Variants in CAMTA2 observed in about 807,000 individuals in gnomAD.
The protein encoded by CAMTA2 is calmodulin binding transcription activator 2, also known as calmodulin-binding transcription activator 2.
A neutral mutation model predicts 135.7 loss-of-function variants in CAMTA2; 56 were observed. That is an observed-to-expected ratio of 0.41 (90% confidence interval 0.33 to 0.52). The LOEUF is 0.52. Ranked by LOEUF, CAMTA2 falls within the 20% of genes least tolerant of loss-of-function variation. CAMTA2 has a pLI of 0.16. For missense variants in CAMTA2, 1,358 were observed against 1,553.4 expected (o/e 0.87, Z 2.11); for synonymous variants, 591 against 604.6 (o/e 0.98, Z 0.33).
At chr17:4,987,144 G>C in intron 1 of CAMTA2, 2 of 1,355,612 alleles carry the variant, frequency 1.5e-6, no homozygotes. Context: ...CAGGTGCGCA[G>C]TCCTGGCTAG....
chr17:4,976,494 G>A (rs143229649), intron 11 of CAMTA2, among the ~76,000 whole-genome samples: 4,644 of 151,888 alleles, frequency 0.031, 224 homozygotes, highest in African/African-American at 0.11. Context: ...GAGGTCAGGA[G>A]TTTGAGACCA....
intron 11 of CAMTA2, among the ~76,000 whole-genome samples, chr17:4,976,397 A>G (rs1350574141): frequency 6.6e-6 from 1 of 152,222 alleles, no homozygotes; most frequent in Non-Finnish European, 1.5e-5. Context: ...AAAACAATAG[A>G]AATTTAAATA....
chr17:4,986,040 G>C, intron 2 of CAMTA2, 57 bp from the exon 3 acceptor site: 1 of 1,334,574 alleles, frequency 7.5e-7, no homozygotes, highest in Non-Finnish European at 1.1e-6. Context: ...CCCTGTGATA[G>C]TCCAAGGGGA....
intron 11 of CAMTA2, among the ~76,000 whole-genome samples, chr17:4,976,849 G>T (rs972855295): frequency 2.6e-5 from 4 of 152,062 alleles, no homozygotes; most frequent in Non-Finnish European, 5.9e-5. Context: ...TCAAGAACTG[G>T]TATAAAAATG....
rs1972118474 is a variant in CAMTA2 at position 4,969,420 on chromosome 17, T to TGCAA, written c.3282+76_3282+79dup. The TGCAA allele has an allele frequency of 1.2e-6, 2 of 1,607,930 alleles. No homozygotes were observed. Among genetic ancestry groups the TGCAA allele is most frequent in the African/African-American group, 2.7e-5 (2 of 74,798 alleles). On this transcript the variant is annotated intron_variant, in intron 20 of 22. Coordinates refer to ENST00000348066, the MANE Select transcript of CAMTA2 (RefSeq NM_015099.4). The surrounding 1 kb of genome is among the most constrained non-coding windows in gnomAD (Gnocchi z 5.6). ...CTGAGGCTCACCCAAGTTAGGCTGA[T>TGCAA]GCAAGACTCTCTGTAACCCACACAC...
In CAMTA2 at chr17:4,968,433, A is replaced by C; in HGVS notation, c.*323T>G. The C allele has an allele frequency of 2.1e-6, 1 of 485,300 alleles. No homozygotes were observed. The highest frequency in any genetic ancestry group is 3.7e-6 in the Non-Finnish European group (1 of 268,902). The allele number at this position is 485,300 out of a possible 1,614,324, so 30.1% of individuals were successfully genotyped here. Reference sequence around the variant, plus strand: ...ACGCGTCGAACAAATAAATAAGGCAAGTCAGGAGGGGGCCGAGTCGGGTGC... The same window carrying C: ...ACGCGTCGAACAAATAAATAAGGCACGTCAGGAGGGGGCCGAGTCGGGTGC... On this transcript the variant is annotated 3_prime_UTR_variant, in exon 23 of 23. Transcript: ENST00000348066.
Position 4,968,944 on chromosome 17 carries a change from G to T in CAMTA2, c.3508C>A (p.Arg1170=), listed in dbSNP as rs563053214. The T allele has an allele frequency of 6.2e-7, 1 of 1,614,042 alleles. No individual in the cohort carries two copies. Among genetic ancestry groups the T allele is most frequent in the African/African-American group, 1.3e-5 (1 of 74,910 alleles). Residue 1170 remains arginine, a synonymous_variant, in exon 22 of 23, where the codon CGG becomes AGG. Transcript: ENST00000348066. ...CGCCGCAGGAATCTCATGATCTTCC[G>T]GGCTGCCTGGTCCTGCTTCTTGGTG... ...FLTKKQDQAA[R]KIMRFLRRCR... is the part of the protein sequence containing the mutation.
intron 10 of CAMTA2, among the ~76,000 whole-genome samples, chr17:4,978,152 G>T (rs1972734000): frequency 6.6e-6 from 1 of 152,214 alleles, no homozygotes; most frequent in Non-Finnish European, 1.5e-5. Flanking sequence ...GATTGGAGTT[G>T]GAGACTCTGG....
In CAMTA2 at chr17:4,973,660, A is replaced by C. The variant is rs1972441418; in HGVS notation, c.2126T>G (p.Phe709Cys). 6.2e-7 allele frequency: 1 copy of C among 1,614,204 alleles called. No homozygotes were observed. Among genetic ancestry groups the C allele is most frequent in the Non-Finnish European group, 8.5e-7 (1 of 1,180,024 alleles). Residue 709 changes from phenylalanine (F) to cysteine (C), a missense_variant, in exon 13 of 23, where the codon TTC becomes TGC. By Grantham distance (205) the Phe-to-Cys change is radical. Transcript: ENST00000348066. ...GPERLAHGSP[F>C]RGMSLLHLAA... ...CAGGTGCAGAAGGCTCATGCCCCGGAAGGGGCTTCCATGGGCCAGACGTTC... is the reference window on the plus strand; with the variant it reads ...CAGGTGCAGAAGGCTCATGCCCCGGCAGGGGCTTCCATGGGCCAGACGTTC...
intron 15 of CAMTA2, 26 bp from the exon 16 acceptor site, chr17:4,972,562 G>A: frequency 2.5e-6 from 4 of 1,591,328 alleles, no homozygotes; most frequent in Non-Finnish European, 3.4e-6. Context: ...AGAGAGTGAG[G>A]GCAGCCGGAG....
intron 9 of CAMTA2, 120 bp from the exon 10 acceptor site, chr17:4,978,750 G>T: frequency 8.6e-7 from 1 of 1,159,868 alleles, no homozygotes; most frequent in Non-Finnish European, 1.2e-6. Context: ...AGAGTCTGGG[G>T]GTCCAGGGAT....
rs1187541241 is a variant in CAMTA2, at chr17:4,981,776, C to G, written c.467G>C (p.Gly156Ala). The part of the protein sequence containing the change: ...YLNVPALEDC[G>A]KGCSPIFCSI... The stretch of plus-strand genomic sequence containing the variant: ...ACAAAAGATGGGGCTGCAGCCCTTT[C>G]CACAGTCCTCCAGGGCTGGGACGTT... Residue 156 changes from glycine (G) to alanine (A), a missense_variant, in exon 7 of 23, where the codon GGA becomes GCA. Transcript: ENST00000348066. The G allele has an allele frequency of 6.2e-7, 1 of 1,613,554 alleles. No individual in the cohort carries two copies. Among genetic ancestry groups the G allele is most frequent in the South Asian group, 1.1e-5 (1 of 91,014 alleles).
In CAMTA2 at chr17:4,979,836, T is replaced by C. The variant is rs761916048; in HGVS notation, c.1486A>G (p.Ser496Gly). The part of the protein sequence containing the change: ...EALFGGPVGA[S>G]ELEPFSLSSF... ...GAAAGACTGAAGGGCTCCAGTTCAC[T>C]GGCCCCAACAGGTCCTCCAAACAAG... Residue 496 changes from serine (S) to glycine (G), a missense_variant, in exon 9 of 23, where the codon AGT (serine) becomes GGT (glycine). This residue lies in a region of CAMTA2 where 1,077 missense variants were observed against 1,127.5 expected (regional missense o/e 0.96). Transcript: ENST00000348066. The C allele has an allele frequency of 1.9e-6, 3 of 1,599,288 alleles. No homozygotes were observed. Among genetic ancestry groups the C allele is most frequent in the South Asian group, 1.1e-5 (1 of 90,582 alleles).
At chr17:4,973,132 T>C in intron 14 of CAMTA2, 43 bp downstream of exon 14, 1 of 1,567,408 alleles carries the variant, frequency 6.4e-7, no homozygotes, top group Non-Finnish European at 8.8e-7. Context: ...GCTGTTCCCA[T>C]TGCTCCCTGC....
In CAMTA2 at chr17:4,969,528, A is replaced by C. The variant is rs1173041569; in HGVS notation, c.3262-8T>G. The C allele has an allele frequency of 6.2e-7, 1 of 1,614,078 alleles. No homozygotes were observed. The highest frequency in any genetic ancestry group is 1.7e-5 in the Admixed American group (1 of 60,018). Reference sequence around the variant, plus strand: ...AAGTGCAATCCAGGTCAGCTTGTGGAGAGAGAAGGGGAGTTAGGGCTCTGG... The same window carrying C: ...AAGTGCAATCCAGGTCAGCTTGTGGCGAGAGAAGGGGAGTTAGGGCTCTGG... On this transcript the variant is annotated splice_polypyrimidine_tract_variant and splice_region_variant and intron_variant, in intron 19 of 22. Transcript: ENST00000348066. The surrounding 1 kb of genome is among the most constrained non-coding windows in gnomAD (Gnocchi z 5.6).
At chr17:4,975,906 TACAC>T (rs1225404947) in intron 11 of CAMTA2, among the ~76,000 whole-genome samples, 3 of 152,186 alleles carry the variant, frequency 2.0e-5, no homozygotes, top group Admixed American at 2.0e-4. Context: ...AATAAATAAA[TACAC>T]ACACACATAG....
At chr17:4,976,882 G>T (rs1597749016) in intron 11 of CAMTA2, among the ~76,000 whole-genome samples, 176 bp downstream of exon 11, 1 of 152,160 alleles carries the variant, frequency 6.6e-6, no homozygotes, top group South Asian at 2.1e-4. Context: ...ATGGGGAAGA[G>T]GAGGTAAGGG....
chr17:4,972,689 G>A (rs940371497), intron 15 of CAMTA2, 80 bp downstream of exon 15: 6 of 1,474,308 alleles, frequency 4.1e-6, no homozygotes, highest in African/African-American at 2.8e-5. Context: ...TCTCTTACTC[G>A]TTTCCCACAC....
intron 9 of CAMTA2, 158 bp downstream of exon 9, chr17:4,979,526 A>AT: frequency 4.3e-6 from 2 of 465,874 alleles, no homozygotes; most frequent in Non-Finnish European, 7.5e-6. Flanking sequence ...AAAAAAAAAA[A>AT]AAAGAGAGAG....
Sources: allele counts gnomAD v4.1 joint callset (sites outside exome capture counted in the v4.1 genomes callset), GRCh38; gene constraint gnomAD v4.1.1; regional missense constraint gnomAD v4.1.1; non-coding constraint Gnocchi (gnomAD v3.1); transcripts MANE v1.5; gene names NCBI Gene and HGNC (gene_info 2026-07-23, HGNC 2026-07-21).